Variants in PRKAA1 observed in about 807,000 individuals in gnomAD.
PRKAA1 encodes the protein protein kinase AMP-activated catalytic subunit alpha 1.
Under a neutral mutation model 56.9 loss-of-function variants are expected in PRKAA1, and 23 were observed. The ratio of observed to expected loss-of-function variants is 0.40; its 90% confidence interval spans 0.29 to 0.57. The LOEUF (loss-of-function observed/expected upper bound fraction) is 0.57, where lower values mean the gene tolerates loss of function less well. Ranked by LOEUF, PRKAA1 falls within the 20% of genes least tolerant of loss-of-function variation. PRKAA1 has a pLI of 0.39. For missense variants in PRKAA1, 413 were observed against 679.7 expected, an observed-to-expected ratio of 0.61 and a Z score of 4.36; for synonymous variants, 226 against 227.0, an observed-to-expected ratio of 1.00 and a Z score of 0.04.
At chr5:40,775,919 A>G (rs1268192280) in intron 2 of PRKAA1, among the ~76,000 whole-genome samples, 1 of 152,166 alleles carries the variant, frequency 6.6e-6, no homozygotes, top group Non-Finnish European at 1.5e-5. Flanking sequence ...TGTTCGAGGA[A>G]TATTAGAGAG....
chr5:40,782,191 CA>C (rs1273556882), intron 1 of PRKAA1, among the ~76,000 whole-genome samples: 1 of 152,156 alleles, frequency 6.6e-6, no homozygotes, highest in African/African-American at 2.4e-5. Context: ...CAAACCATCA[CA>C]AACCAACCAA....
intron 1 of PRKAA1, chr5:40,790,074 T>C (rs1459479450): frequency 6.6e-6 from 1 of 152,166 alleles, no homozygotes; most frequent in Non-Finnish European, 1.5e-5. Flanking sequence ...GAAAGTTCAG[T>C]ATCCAGGTGA....
At chr5:40,768,504 T>A (rs977653174) in intron 5 of PRKAA1, 12 of 943,644 alleles carry the variant, frequency 1.3e-5, no homozygotes, top group East Asian at 2.3e-4. Context: ...AAAAATTTTT[T>A]AAATAATTTT....
At chr5:40,766,471 A>G (rs2111987692) in intron 6 of PRKAA1, among the ~76,000 whole-genome samples, 1 of 152,306 alleles carries the variant, frequency 6.6e-6, no homozygotes, top group Admixed American at 6.5e-5. Context: ...CTAATTTGAG[A>G]AGAAAATTTG....
intron 1 of PRKAA1, among the ~76,000 whole-genome samples, chr5:40,783,478 G>A (rs982815444): frequency 6.6e-6 from 1 of 152,088 alleles, no homozygotes; most frequent in African/African-American, 2.4e-5. Context: ...AATTTCCAAG[G>A]CCGAGTGCGG....
At chr5:40,780,807 T>C (rs1012596323) in intron 1 of PRKAA1, among the ~76,000 whole-genome samples, 3 of 152,174 alleles carry the variant, frequency 2.0e-5, no homozygotes, top group Non-Finnish European at 2.9e-5. Context: ...GCCACCGCTA[T>C]TGAGGGCAGA....
chr5:40,774,881 C>A (rs1561175027), intron 3 of PRKAA1: 2 of 1,453,236 alleles, frequency 1.4e-6, no homozygotes, highest in Non-Finnish European at 1.9e-6. Flanking sequence ...TTCAAAATGT[C>A]CTACAAAGTT....
intron 3 of PRKAA1, 118 bp from the exon 4 acceptor site, chr5:40,771,981 C>A: frequency 8.1e-7 from 1 of 1,235,034 alleles, no homozygotes; most frequent in Non-Finnish European, 1.1e-6. Context: ...ATGAACTTCA[C>A]TTATGAGATA....
At chr5:40,774,762 G>T (rs138000547) in intron 3 of PRKAA1, among the ~76,000 whole-genome samples, 218 of 152,234 alleles carry the variant, frequency 1.4e-3, no homozygotes, top group African/African-American at 5.1e-3. Flanking sequence ...TTCAGGGCTA[G>T]CTACAGCTCT....
At chr5:40,764,217 T>G (rs974941411) in intron 8 of PRKAA1, 1 of 196,524 alleles carries the variant, frequency 5.1e-6, no homozygotes, top group Non-Finnish European at 1.0e-5. Context: ...TTGTCTCTTA[T>G]CAAAATGAAC....
intron 1 of PRKAA1, among the ~76,000 whole-genome samples, chr5:40,795,983 G>A (rs987285501): frequency 3.9e-5 from 6 of 152,302 alleles, no homozygotes; most frequent in Non-Finnish European, 7.4e-5. Flanking sequence ...ATCTCTTCCT[G>A]CTTTACTACC....
intron 1 of PRKAA1, among the ~76,000 whole-genome samples, chr5:40,778,904 T>G (rs553462208): frequency 1.3e-5 from 2 of 148,404 alleles, no homozygotes; most frequent in East Asian, 4.1e-4. Context: ...CAGGTGATCC[T>G]CCCATCTCAG....
chr5:40,783,161 T>A (rs3805492), intron 1 of PRKAA1, among the ~76,000 whole-genome samples: 12 of 152,010 alleles, frequency 7.9e-5, no homozygotes, highest in East Asian at 3.9e-4. Context: ...TTCTAAGAAT[T>A]TGATTTAAAA....
At chr5:40,790,835 G>T (rs1023008655) in intron 1 of PRKAA1, among the ~76,000 whole-genome samples, 1 of 152,098 alleles carries the variant, frequency 6.6e-6, no homozygotes, top group Non-Finnish European at 1.5e-5. Flanking sequence ...CACCACACCC[G>T]GCCTTCAGTA....
intron 1 of PRKAA1, among the ~76,000 whole-genome samples, chr5:40,788,948 T>C (rs980704575): frequency 1.3e-5 from 2 of 152,108 alleles, no homozygotes; most frequent in Non-Finnish European, 2.9e-5. Flanking sequence ...TGGTGGCTCA[T>C]GCCTGTAATC....
At chr5:40,787,220 C>T (rs546584501) in intron 1 of PRKAA1, among the ~76,000 whole-genome samples, 3 of 151,968 alleles carry the variant, frequency 2.0e-5, no homozygotes, top group African/African-American at 7.3e-5. Flanking sequence ...AATCCTAGCA[C>T]TTTGGGAGGC....
At chr5:40,786,679 G>A (rs371990394) in intron 1 of PRKAA1, among the ~76,000 whole-genome samples, 27 of 149,542 alleles carry the variant, frequency 1.8e-4, no homozygotes, top group African/African-American at 5.7e-4. Flanking sequence ...GGTGGCTCAC[G>A]CCTGTAATCC....
At position 40,764,596 on chromosome 5, in the gene PRKAA1, C is replaced by T; in HGVS notation, c.1353G>A (p.Val451=). 1 of 1,613,896 alleles carries T rather than the reference C, an allele frequency of 6.2e-7. No homozygotes were observed. The highest frequency in any genetic ancestry group is 8.5e-7 in the Non-Finnish European group (1 of 1,179,902). ...YYLRVRRKNP[V]TSTYSKMSLQ... ...GACTCATTTTGGAGTAAGTGCTTGT[C>T]ACAGGATTCTTCCTTCGTACACGCA... The change falls in exon 8 of 9, where the codon GTG becomes GTA. Residue 451 remains valine, a synonymous_variant. Coordinates refer to ENST00000397128, the MANE Select transcript of PRKAA1 (RefSeq NM_006251.6).
intron 1 of PRKAA1, among the ~76,000 whole-genome samples, chr5:40,785,224 C>T (rs1744417090): frequency 6.6e-6 from 1 of 152,066 alleles, no homozygotes; most frequent in Non-Finnish European, 1.5e-5. Flanking sequence ...ATTCCACAGA[C>T]ATTTTATTTT....
Sources: allele counts gnomAD v4.1 joint callset (sites outside exome capture counted in the v4.1 genomes callset), GRCh38; gene constraint gnomAD v4.1.1; transcripts MANE v1.5; gene names NCBI Gene and HGNC (gene_info 2026-07-23, HGNC 2026-07-21).